The following PPA2 variants were observed in gnomAD, a reference collection of about 807,000 sequenced individuals.
The protein encoded by PPA2 is inorganic pyrophosphatase 2, mitochondrial.
A neutral mutation model predicts 49.5 loss-of-function variants in PPA2; 48 were observed. That is an observed-to-expected ratio of 0.97 (90% CI 0.77 to 1.23). PPA2 has a LOEUF of 1.23. Ranked by LOEUF, PPA2 falls within the 50% of genes most tolerant of loss-of-function variation. The pLI, the probability that PPA2 is intolerant of heterozygous loss-of-function variation, is 0.00. For synonymous variants in PPA2, 131 were observed against 139.9 expected (o/e 0.94, Z 0.45); for missense variants, 429 against 410.1 (o/e 1.05, Z -0.40).
At chr4:105,440,277 T>G (rs1724287266) in intron 5 of PPA2, among the ~76,000 whole-genome samples, 1 of 152,074 alleles carries the variant, frequency 6.6e-6, no homozygotes. Context: ...TTCTTTTTTT[T>G]TTCAGACAGA....
chr4:105,454,222 G>T (rs1722783983), intron 2 of PPA2, among the ~76,000 whole-genome samples: 1 of 152,142 alleles, frequency 6.6e-6, no homozygotes, highest in Non-Finnish European at 1.5e-5. Flanking sequence ...ACACCAAAAT[G>T]ACTACTAATG....
In PPA2 at chr4:105,404,326, CCT is replaced by C. The variant is rs541469690; in HGVS notation, c.656-5164_656-5163del. Among the ~76,000 whole-genome samples the C allele has an allele frequency of 7.2e-5, 11 of 151,894 alleles. No individual in the cohort carries two copies. In the East Asian group the frequency reaches 1.4e-3, roughly 19 times the overall value. On this transcript the variant is annotated intron_variant, in intron 7 of 11. Transcript: ENST00000341695. ...ACTGAAAAAGAACCACCCCCAATCC[CCT>C]GATTTTTTAAATATAATTAAAAGAT...
At chr4:105,425,014 G>A (rs1723429177) in intron 6 of PPA2, among the ~76,000 whole-genome samples, 1 of 152,184 alleles carries the variant, frequency 6.6e-6, no homozygotes, top group African/African-American at 2.4e-5. Flanking sequence ...TAATAGGCAT[G>A]CATTAATGGT....
In PPA2 at chr4:105,454,918, A is replaced by C. The variant is rs113133096; in HGVS notation, c.223-1276T>G. ...CACCTCTACCTCTATCTACTACACG[A>C]CTCTCAAAAATACAGCTTTATTATT... On this transcript the variant is annotated intron_variant, in intron 2 of 11. Transcript: ENST00000341695. Among the ~76,000 whole-genome samples, 309 of 152,086 alleles carry C rather than the reference A, an allele frequency of 2.0e-3. 5 individuals are homozygous for C. Among genetic ancestry groups the C allele is most frequent in the African/African-American group, 7.3e-3 (303 of 41,490 alleles).
chr4:105,411,270 T>TA (rs976783483), intron 7 of PPA2, among the ~76,000 whole-genome samples: 5 of 151,474 alleles, frequency 3.3e-5, no homozygotes, highest in East Asian at 1.9e-4. Context: ...TAGTCTCTGA[T>TA]AAAAAAAAGA....
chr4:105,471,955 T>C (rs952257937), intron 1 of PPA2, among the ~76,000 whole-genome samples: 1 of 152,216 alleles, frequency 6.6e-6, no homozygotes, highest in African/African-American at 2.4e-5. Context: ...TTTGTGGCAC[T>C]CTAGTTACAG....
chr4:105,402,108 G>A (rs1722223079), intron 7 of PPA2, among the ~76,000 whole-genome samples: 1 of 152,022 alleles, frequency 6.6e-6, no homozygotes, highest in South Asian at 2.1e-4. Flanking sequence ...TAAAATATCT[G>A]TTGTCAAATT....
chr4:105,472,417 T>C (rs192258143), intron 1 of PPA2, among the ~76,000 whole-genome samples: 80 of 152,368 alleles, frequency 5.3e-4, no homozygotes, highest in Non-Finnish European at 7.2e-4. Context: ...CTAGCACACT[T>C]CATAAATATT....
chr4:105,449,687 G>A (rs530942993), intron 3 of PPA2, among the ~76,000 whole-genome samples: 6 of 152,276 alleles, frequency 3.9e-5, no homozygotes, highest in South Asian at 2.1e-4. Flanking sequence ...ATGGAGTCAA[G>A]AAATGTGTTT....
At chr4:105,452,828 C>G (rs1722726327) in intron 3 of PPA2, among the ~76,000 whole-genome samples, 1 of 151,862 alleles carries the variant, frequency 6.6e-6, no homozygotes, top group South Asian at 2.1e-4. Context: ...AAGTCAAGAA[C>G]TATTAAAGGT....
chr4:105,451,138 T>C (rs1045878778), intron 3 of PPA2, among the ~76,000 whole-genome samples: 2 of 152,198 alleles, frequency 1.3e-5, no homozygotes, highest in Admixed American at 1.3e-4. Flanking sequence ...ATTAAATTGC[T>C]CTGGGTGGAG....
At chr4:105,373,385 A>C (rs1160482247) in intron 10 of PPA2, among the ~76,000 whole-genome samples, 2 of 152,082 alleles carry the variant, frequency 1.3e-5, no homozygotes, top group Non-Finnish European at 2.9e-5. Context: ...TATTCTATGA[A>C]ATTGCTATAT....
At chr4:105,395,179 T>C (rs1734086061) in intron 9 of PPA2, among the ~76,000 whole-genome samples, 1 of 152,028 alleles carries the variant, frequency 6.6e-6, no homozygotes, top group Non-Finnish European at 1.5e-5. Flanking sequence ...AAGTCAATTA[T>C]CTTCAATGCC....
intron 5 of PPA2, among the ~76,000 whole-genome samples, chr4:105,442,394 A>T (rs1242765181): frequency 2.0e-5 from 3 of 152,246 alleles, no homozygotes; most frequent in Non-Finnish European, 4.4e-5. Flanking sequence ...GTCTCAGGTT[A>T]TAAAGCTAAT....
chr4:105,403,082 T>C (rs974282127), intron 7 of PPA2, among the ~76,000 whole-genome samples: 2 of 152,092 alleles, frequency 1.3e-5, no homozygotes, highest in Non-Finnish European at 2.9e-5. Flanking sequence ...TGGAGTACAC[T>C]GTGCAATCAC....
intron 6 of PPA2, among the ~76,000 whole-genome samples, chr4:105,432,275 G>A (rs1723841200): frequency 6.6e-6 from 1 of 152,010 alleles, no homozygotes. Context: ...ATTCTATAAT[G>A]AACAAAATAC....
chr4:105,441,695 A>G (rs2110294855), intron 5 of PPA2, among the ~76,000 whole-genome samples: 1 of 152,308 alleles, frequency 6.6e-6, no homozygotes, highest in Admixed American at 6.5e-5. Context: ...CAACCTATCA[A>G]CAGGAAAACA....
intron 9 of PPA2, among the ~76,000 whole-genome samples, chr4:105,387,343 G>T (rs749486512): frequency 2.0e-5 from 3 of 152,140 alleles, no homozygotes; most frequent in Non-Finnish European, 4.4e-5. Flanking sequence ...AGGTGGTAGA[G>T]AAGGGAGTTA....
At chr4:105,377,917 A>C (rs900739613) in intron 10 of PPA2, among the ~76,000 whole-genome samples, 1 of 152,108 alleles carries the variant, frequency 6.6e-6, no homozygotes, top group African/African-American at 2.4e-5. Context: ...ATATACTACA[A>C]GTTGTTTATC....
Sources: gnomAD v4.1 joint callset for allele counts (sites outside exome capture counted in the v4.1 genomes callset) on GRCh38, gnomAD v4.1.1 for gene constraint, MANE v1.5 for transcripts, NCBI Gene and HGNC (gene_info 2026-07-23, HGNC 2026-07-21) for gene names.